Variants in CEP57L1 observed in about 807,000 individuals in gnomAD.
CEP57L1 encodes centrosomal protein 57 like 1, also known as centrosomal protein CEP57L1.
CEP57L1 carries 37 observed loss-of-function variants against 61.0 expected under a neutral mutation model. That is an observed-to-expected ratio of 0.61 (90% confidence interval 0.47 to 0.80). CEP57L1 has a LOEUF of 0.80. Among genes scored for constraint, CEP57L1 ranks in the 30% least tolerant of loss-of-function variants. CEP57L1 has a pLI of 0.00. For missense variants in CEP57L1, 422 were observed against 524.7 expected, an observed-to-expected ratio of 0.80 and a Z score of 1.91; for synonymous variants, 137 against 162.3, an observed-to-expected ratio of 0.84 and a Z score of 1.19.
At position 109,172,551 on chromosome 6, in the gene CEP57L1, A is replaced by T. The variant is rs1774451897; in HGVS notation, c.*9581A>T. Among the ~76,000 whole-genome samples the T allele has an allele frequency of 6.6e-6, 1 of 152,232 alleles. No individual in the cohort carries two copies. The highest frequency in any genetic ancestry group is 2.1e-4 in the South Asian group (1 of 4,832). On this transcript the variant is annotated 3_prime_UTR_variant, in exon 11 of 11. Transcript: ENST00000517392. The stretch of plus-strand genomic sequence containing the variant: ...TCTTTGGAATGTGAAAAGTTTACAC[A>T]ATCAAGACTTGCTATGTTGATCCTT...
chr6:109,146,641 C>G (rs1771989748), intron 2 of CEP57L1, 117 bp from the exon 3 acceptor site: 1 of 642,742 alleles, frequency 1.6e-6, no homozygotes, highest in Non-Finnish European at 2.6e-6. Context: ...ATATGCATTA[C>G]TTGTACATTT....
chr6:109,170,673 T>C lies in CEP57L1; in HGVS notation c.*7703T>C, dbSNP rs150875878. ...AGGAAACCCACTTAAAATTAAATTT[T>C]AAAAAGCTCTCGAGAAGTCTGTGGA... On this transcript the variant is annotated 3_prime_UTR_variant, in exon 11 of 11. Transcript: ENST00000517392. 6.6e-6 allele frequency among the ~76,000 whole-genome samples: 1 copy of C among 152,216 alleles called. No individual in the cohort carries two copies. The highest frequency in any genetic ancestry group is 2.4e-5 in the African/African-American group (1 of 41,460).
chr6:109,104,123 A>C (rs1441378024), intron 1 of CEP57L1, among the ~76,000 whole-genome samples: 1 of 151,004 alleles, frequency 6.6e-6, no homozygotes, highest in Non-Finnish European at 1.5e-5. Context: ...TTTGTCTTTT[A>C]AAAAAATGTT....
At chr6:109,155,760 AAT>A (rs553916158) in intron 6 of CEP57L1, 29 bp from the exon 7 acceptor site, 363 of 1,125,214 alleles carry the variant, frequency 3.2e-4, no homozygotes, top group Admixed American at 1.5e-3. Flanking sequence ...GTTACAAATC[AAT>A]GTTATAACCT....
At position 109,153,931 on chromosome 6, in the gene CEP57L1, A is replaced by T. The variant is rs1394662619; in HGVS notation, c.561A>T (p.Thr187=). ...AAAAAGAGTGTTTCAGACTTACAAC[A>T]ACTCAGAAAACTGCTGAGGTAAGCT... is the stretch of plus-strand genomic sequence containing the variant. ...VLEKECFRLT[T]TQKTAEDKIK... is the part of the protein sequence containing the mutation. The change falls in exon 5 of 11, where the codon ACA becomes ACT. Residue 187 remains threonine, a synonymous_variant. Transcript: ENST00000517392. The T allele has an allele frequency of 2.5e-6, 4 of 1,590,904 alleles. No homozygotes were observed. The African/African-American group carries it at 5.4e-5, about 21-fold the overall frequency.
chr6:109,139,136 A>G (rs2114820034), intron 1 of CEP57L1, among the ~76,000 whole-genome samples: 1 of 152,320 alleles, frequency 6.6e-6, no homozygotes, highest in South Asian at 2.1e-4. Context: ...TCTGATAACC[A>G]AGGTGGCCAC....
intron 10 of CEP57L1, among the ~76,000 whole-genome samples, chr6:109,162,421 A>G (rs1203904808): frequency 5.3e-5 from 8 of 151,966 alleles, no homozygotes; most frequent in African/African-American, 1.9e-4. Context: ...ACCTTATCCG[A>G]CTTTGGCCTT....
intron 3 of CEP57L1, among the ~76,000 whole-genome samples, chr6:109,148,274 C>G (rs922121766): frequency 6.6e-6 from 1 of 151,990 alleles, no homozygotes; most frequent in Non-Finnish European, 1.5e-5. Flanking sequence ...CCCTCTCCCC[C>G]CACCCCACAA....
intron 4 of CEP57L1, among the ~76,000 whole-genome samples, chr6:109,152,221 C>T (rs1167679087): frequency 6.6e-6 from 1 of 152,072 alleles, no homozygotes; most frequent in African/African-American, 2.4e-5. Context: ...ACTCTTGTCG[C>T]CCAGGCTGGA....
chr6:109,137,270 CACTT>C (rs1369590487), intron 1 of CEP57L1, among the ~76,000 whole-genome samples: 2 of 151,956 alleles, frequency 1.3e-5, no homozygotes, highest in East Asian at 1.9e-4. Flanking sequence ...CATCCTTTCT[CACTT>C]AGTTATATCA....
intron 1 of CEP57L1, among the ~76,000 whole-genome samples, chr6:109,111,786 G>GT (rs1771662987): frequency 1.3e-5 from 2 of 152,048 alleles, no homozygotes; most frequent in African/African-American, 4.8e-5. Context: ...ATAATCATGG[G>GT]TTTTTTTGTC....
chr6:109,123,356 G>T (rs1000403283), intron 1 of CEP57L1, among the ~76,000 whole-genome samples: 1 of 152,140 alleles, frequency 6.6e-6, no homozygotes, highest in African/African-American at 2.4e-5. Flanking sequence ...GGATACCTGG[G>T]TTCAAATCCC....
At chr6:109,144,581 C>A (rs1771758662) in intron 1 of CEP57L1, among the ~76,000 whole-genome samples, 1 of 151,930 alleles carries the variant, frequency 6.6e-6, no homozygotes, top group Non-Finnish European at 1.5e-5. Flanking sequence ...GGCTCTCTTA[C>A]CAAAACAAAA....
At chr6:109,132,685 ATAC>A (rs1423724575) in intron 1 of CEP57L1, among the ~76,000 whole-genome samples, 1 of 152,218 alleles carries the variant, frequency 6.6e-6, no homozygotes, top group Non-Finnish European at 1.5e-5. Context: ...TTATTCCATA[ATAC>A]TAAATTGTTT....
intron 1 of CEP57L1, among the ~76,000 whole-genome samples, chr6:109,108,037 C>T (rs905887255): frequency 1.3e-5 from 2 of 151,920 alleles, no homozygotes; most frequent in African/African-American, 4.8e-5. Flanking sequence ...TTAAGTTATT[C>T]ATTTTGTTTA....
Position 109,159,416 on chromosome 6 carries a change from T to C in CEP57L1, c.970T>C (p.Ser324Pro). The change falls in exon 9 of 11, where the codon TCT becomes CCT. Residue 324 changes from serine to proline, a missense_variant. Transcript: ENST00000517392. The stretch of plus-strand genomic sequence containing the variant: ...GTCCATTTCCATTTGTGACAATTTA[T>C]CTGAACTTTTGATGGCAATGCAAGA... ...EKSISICDNL[S>P]ELLMAMQDEL... 3 of 1,613,880 alleles carry C rather than the reference T, an allele frequency of 1.9e-6. No homozygotes were observed. Among genetic ancestry groups the C allele is most frequent in the Non-Finnish European group, 2.5e-6 (3 of 1,179,824 alleles).
chr6:109,144,906 A>G (rs1771790502), intron 1 of CEP57L1, among the ~76,000 whole-genome samples: 1 of 152,062 alleles, frequency 6.6e-6, no homozygotes, highest in Non-Finnish European at 1.5e-5. Flanking sequence ...AGAAGTGCTC[A>G]GACTATGATA....
intron 1 of CEP57L1, 113 bp downstream of exon 1, chr6:109,095,688 A>G (rs1195921747): frequency 4.7e-6 from 3 of 631,810 alleles, no homozygotes; most frequent in Non-Finnish European, 5.9e-6. Flanking sequence ...TAGTCCAAGG[A>G]CTTTTTCCAG....
intron 4 of CEP57L1, 83 bp from the exon 5 acceptor site, chr6:109,153,750 A>G (rs746729113): frequency 4.1e-5 from 32 of 790,002 alleles, no homozygotes; most frequent in Non-Finnish European, 6.4e-5. Flanking sequence ...TTGTGTTTTG[A>G]ATTCTCAGAA....
Sources: allele counts gnomAD v4.1 joint callset (sites outside exome capture counted in the v4.1 genomes callset), GRCh38; gene constraint gnomAD v4.1.1; transcripts MANE v1.5; gene names NCBI Gene and HGNC (gene_info 2026-07-23, HGNC 2026-07-21).